ZNF335: variants seen among roughly 807,000 people sequenced by gnomAD.
ZNF335 encodes the protein NRC-interacting factor 1.
ZNF335 carries 84 observed loss-of-function variants against 145.6 expected under a neutral mutation model. The ratio of observed to expected loss-of-function variants is 0.58; its 90% CI spans 0.48 to 0.69. ZNF335 has a LOEUF of 0.69. ZNF335 is among the 30% of genes least tolerant of loss of function. ZNF335 has a pLI of 0.00. For missense variants in ZNF335, 1,865 were observed against 1,809.7 expected (o/e 1.03, Z -0.55); for synonymous variants, 761 against 717.0 (o/e 1.06, Z -0.98).
intron 1 of ZNF335, 190 bp from the exon 2 acceptor site, chr20:45,971,650 C>G (rs1427525970): frequency 1.0e-6 from 1 of 985,374 alleles, no homozygotes; most frequent in Non-Finnish European, 1.2e-6. Context: ...GCTTCCCAGG[C>G]TAAGGCCCTT....
Position 45,950,520 on chromosome 20 carries a change from C to T in ZNF335, c.3265G>A (p.Asp1089Asn). 1 of 1,614,198 alleles carries T rather than the reference C, an allele frequency of 6.2e-7. No homozygotes were observed. Among genetic ancestry groups the T allele is most frequent in the South Asian group, 1.1e-5 (1 of 91,084 alleles). Reference protein sequence around the residue: ...QCSFASKNKKDLRRHMLTHTK... With the variant: ...QCSFASKNKKNLRRHMLTHTK... ...TGAGTCAGCATGTGCCGACGCAGGT[C>T]CTTCTTGTTCTTGGAGGCAAAGCTG... The change falls in exon 21 of 28, where the codon GAC becomes AAC. Residue 1089 changes from aspartate (D) to asparagine (N), a missense_variant. By Grantham distance (23) the Asp-to-Asn change is conservative. Coordinates refer to ENST00000322927, the MANE Select transcript of ZNF335 (RefSeq NM_022095.4).
In ZNF335 at chr20:45,960,235, G is replaced by A; in HGVS notation, c.1993C>T (p.Leu665=). 6.2e-7 allele frequency: 1 copy of A among 1,614,172 alleles called. No homozygotes were observed. Among genetic ancestry groups the A allele is most frequent in the Middle Eastern group, 1.6e-4 (1 of 6,062 alleles). ...PYRTFREDFL[L]SHVAVKHTGA... ...GTGTGCTTGACAGCCACATGGGACAGCAAGAAGTCCTCTCGGAAGGTGCGG... is the reference window on the plus strand; with the variant it reads ...GTGTGCTTGACAGCCACATGGGACAACAAGAAGTCCTCTCGGAAGGTGCGG... Residue 665 remains leucine, a synonymous_variant, in exon 14 of 28, where the codon CTG becomes TTG. Coordinates refer to ENST00000322927, the MANE Select transcript of ZNF335 (RefSeq NM_022095.4).
intron 7 of ZNF335, among the ~76,000 whole-genome samples, chr20:45,964,757 C>T (rs990685795): frequency 6.6e-6 from 1 of 152,078 alleles, no homozygotes; most frequent in African/African-American, 2.4e-5. Flanking sequence ...ATACAATAGG[C>T]CAAGTGCGGT....
chr20:45,951,573 TAGA>T (rs1230382291), intron 20 of ZNF335, among the ~76,000 whole-genome samples: 2 of 152,340 alleles, frequency 1.3e-5, no homozygotes, highest in Non-Finnish European at 2.9e-5. Flanking sequence ...GTTAGATTCT[TAGA>T]AGGAGTGTGT....
intron 17 of ZNF335, among the ~76,000 whole-genome samples, chr20:45,954,216 T>C (rs1270234363): frequency 2.0e-5 from 3 of 152,172 alleles, no homozygotes; most frequent in Non-Finnish European, 4.4e-5. Flanking sequence ...ACATTTCTTA[T>C]CACAGCAGGA....
intron 2 of ZNF335, 53 bp downstream of exon 2, chr20:45,971,157 C>A: frequency 6.8e-7 from 1 of 1,466,382 alleles, no homozygotes; most frequent in Non-Finnish European, 9.0e-7. Context: ...GGCTGTCAGG[C>A]ACTGCTGCTC....
chr20:45,962,305 T>A, intron 9 of ZNF335, 123 bp from the exon 10 acceptor site: 3 of 751,270 alleles, frequency 4.0e-6, no homozygotes, highest in Non-Finnish European at 6.9e-6. Flanking sequence ...CACAGGCATG[T>A]GGACAACACA....
chr20:45,949,384 C>G lies in ZNF335; in HGVS notation c.3768G>C (p.Gln1256His). The change falls in exon 26 of 28, where the codon CAG becomes CAC. Residue 1256 changes from glutamine (Q) to histidine (H), a missense_variant. Transcript: ENST00000322927. ...CTTGTTCATACTGGATGTGTGTGAT[C>G]TGGCCCTCCTGTACCTGCAGAGAGG... The part of the protein sequence containing the change: ...EGHHIQVQEG[Q>H]ITHIQYEQGA... 1 of 1,614,144 alleles carries G rather than the reference C, an allele frequency of 6.2e-7. No homozygotes were observed. Among genetic ancestry groups the G allele is most frequent in the Non-Finnish European group, 8.5e-7 (1 of 1,180,036 alleles).
At position 45,949,958 on chromosome 20, in the gene ZNF335, ACT is replaced by A; in HGVS notation, c.3591+6_3591+7del. 2 of 1,613,788 alleles carry A rather than the reference ACT, an allele frequency of 1.2e-6. No homozygotes were observed. On this transcript the variant is annotated splice_donor_region_variant and intron_variant, in intron 23 of 27. Transcript: ENST00000322927. Reference sequence around the variant, plus strand: ...GCTGGCCAGAGGGCCCCCAGTCCTGACTCTTACCTGATTGGTCACTGTCTGTT... The same window carrying A: ...GCTGGCCAGAGGGCCCCCAGTCCTGACTTACCTGATTGGTCACTGTCTGTT...
At chr20:45,956,384 A>G (rs1311762033) in intron 17 of ZNF335, among the ~76,000 whole-genome samples, 1 of 151,926 alleles carries the variant, frequency 6.6e-6, no homozygotes, top group African/African-American at 2.4e-5. Flanking sequence ...GTGTGCCACC[A>G]CGCCCAGCTA....
chr20:45,961,937 G>T, intron 10 of ZNF335, 133 bp downstream of exon 10: 1 of 723,054 alleles, frequency 1.4e-6, no homozygotes, highest in Non-Finnish European at 2.3e-6. Flanking sequence ...TTCTGCTCAT[G>T]CCTGTAGTGT....
In ZNF335 at chr20:45,965,767, G is replaced by A. The variant is rs777900145; in HGVS notation, c.963C>T (p.Ser321=). 14 of 1,602,958 alleles carry A rather than the reference G, an allele frequency of 8.7e-6. No individual in the cohort carries two copies. Among genetic ancestry groups the A allele is most frequent in the African/African-American group, 4.1e-5 (3 of 73,686 alleles). ...GCTCATCCTCAGCTGGATTATAGTCGCTATCCTCTGTGGGGGACAGTAAAG... is the reference window on the plus strand; with the variant it reads ...GCTCATCCTCAGCTGGATTATAGTCACTATCCTCTGTGGGGGACAGTAAAG... ...AGAIDDLEED[S]DYNPAEDEPR... The change falls in exon 7 of 28, where the codon AGC becomes AGT. Residue 321 remains serine, a synonymous_variant. Transcript: ENST00000322927.
In ZNF335 at chr20:45,967,723, T is replaced by C. The variant is rs2083983478; in HGVS notation, c.814+11A>G. ...CATGCAGTCCAAGCAGGTAGGCTGC[T>C]ACTGACGCACCTGGACGGAAGTGGC... On this transcript the variant is annotated intron_variant, in intron 5 of 27. Transcript: ENST00000322927. 1 of 1,608,762 alleles carries C rather than the reference T, an allele frequency of 6.2e-7. No homozygotes were observed. The highest frequency in any genetic ancestry group is 1.3e-5 in the African/African-American group (1 of 74,990).
rs1189758908 is a variant in ZNF335, at chr20:45,949,551, G to C, written c.3687C>G (p.Ser1229=). Residue 1229 remains serine (S), a synonymous_variant, in exon 25 of 28, where the codon TCC becomes TCG. Coordinates refer to ENST00000322927, the MANE Select transcript of ZNF335 (RefSeq NM_022095.4). ...TSDNQVQYII[S]QDGVQHLLPQ... ...GGAGCAGGTGCTGGACACCATCCTGGGAGATGATATACTGCACCTGTTGGT... is the reference window on the plus strand; with the variant it reads ...GGAGCAGGTGCTGGACACCATCCTGCGAGATGATATACTGCACCTGTTGGT... 1.9e-6 allele frequency: 3 copies of C among 1,612,632 alleles called. No individual in the cohort carries two copies. The highest frequency in any genetic ancestry group is 1.7e-5 in the Admixed American group (1 of 59,966).
intron 1 of ZNF335, chr20:45,971,828 G>T (rs2084075588): frequency 3.0e-6 from 3 of 985,078 alleles, no homozygotes; most frequent in Non-Finnish European, 3.6e-6. Context: ...GGCCCCCTGG[G>T]TCAGTGGTTC....
chr20:45,962,025 C>A lies in ZNF335; in HGVS notation c.1646+45G>T. On this transcript the variant is annotated intron_variant, in intron 10 of 27. Coordinates refer to ENST00000322927, the MANE Select transcript of ZNF335 (RefSeq NM_022095.4). ...TATCCCGGGCCTCCACTTCCCCACC[C>A]AACCTGGCCTCTCTTGCCCAGGTCC... The A allele has an allele frequency of 3.5e-6, 4 of 1,137,196 alleles. No individual in the cohort carries two copies. In the South Asian group the frequency reaches 5.0e-5, roughly 14 times the overall value. 70.4% of individuals were successfully genotyped at this position (1,137,196 alleles called of 1,614,324 possible). A position where few individuals can be genotyped will look rare whatever the true frequency, so the allele number is the denominator to read the frequency against.
rs1481765250 is a variant in ZNF335 at position 45,949,098 on chromosome 20, A to C, written c.3902-18T>G. On this transcript the variant is annotated intron_variant, in intron 27 of 27. Coordinates refer to ENST00000322927, the MANE Select transcript of ZNF335 (RefSeq NM_022095.4). ...AGCCACTGCTGCCAGGGGAGGGGAA[A>C]GTATGGTGAGCTGGAGGCTCAAGAG... 6 of 1,613,622 alleles carry C rather than the reference A, an allele frequency of 3.7e-6. No individual in the cohort carries two copies. Among genetic ancestry groups the C allele is most frequent in the East Asian group, 2.2e-5 (1 of 44,880 alleles).
At chr20:45,964,251 C>A in intron 7 of ZNF335, 1 of 401,172 alleles carries the variant, frequency 2.5e-6, no homozygotes, top group Non-Finnish European at 4.4e-6. Context: ...AGTCAGGAGA[C>A]CTGGGTTCCA....
intron 26 of ZNF335, 26 bp downstream of exon 26, chr20:45,949,307 G>A: frequency 1.2e-6 from 2 of 1,614,038 alleles, no homozygotes; most frequent in South Asian, 1.1e-5. Flanking sequence ...TGTGCCCCAG[G>A]TCTCCCTGTC....
Sources: allele counts gnomAD v4.1 joint callset (sites outside exome capture counted in the v4.1 genomes callset), GRCh38; gene constraint gnomAD v4.1.1; transcripts MANE v1.5; gene names NCBI Gene and HGNC (gene_info 2026-07-23, HGNC 2026-07-21).